The following MRPL28 variants were observed in gnomAD, a reference collection of about 807,000 sequenced individuals.
The protein encoded by MRPL28 is large ribosomal subunit protein bL28m.
Under a neutral mutation model 26.2 loss-of-function variants are expected in MRPL28, and 25 were observed. That is an observed-to-expected ratio of 0.95 (90% CI 0.69 to 1.33). MRPL28 has a LOEUF of 1.33. Ranked by LOEUF, MRPL28 falls within the 40% of genes most tolerant of loss-of-function variation. The probability of loss-of-function intolerance (pLI) is 0.00; values close to 1 mark genes in which losing one functional copy is unlikely to be tolerated. For missense variants in MRPL28, 432 were observed against 327.2 expected, an observed-to-expected ratio of 1.32 and a Z score of -2.47; for synonymous variants, 227 against 140.1, an observed-to-expected ratio of 1.62 and a Z score of -4.38.
intron 5 of MRPL28, among the ~76,000 whole-genome samples, 169 bp downstream of exon 5, chr16:368,159 G>A (rs1446546998): frequency 1.3e-5 from 2 of 152,184 alleles, no homozygotes; most frequent in African/African-American, 4.8e-5. Context: ...GACTTGGAGG[G>A]GAGGGAGCGG....
In MRPL28 at chr16:369,097, C is replaced by G; in HGVS notation, c.412G>C (p.Ala138Pro). 2 of 1,613,978 alleles carry G rather than the reference C, an allele frequency of 1.2e-6. No individual in the cohort carries two copies. Among genetic ancestry groups the G allele is most frequent in the Non-Finnish European group, 1.7e-6 (2 of 1,179,950 alleles). ...TMRTLDLIDEAYGLDFYILKT... is the reference protein window; with the variant it reads ...TMRTLDLIDEPYGLDFYILKT... ...AGGATGTAAAAGTCGAGCCCATAAG[C>G]CTCATCGATGAGGTCCAGGGTCCGC... The change falls in exon 3 of 6, where the codon GCT becomes CCT. Residue 138 changes from alanine (A) to proline (P), a missense_variant. By Grantham distance (27) the Ala-to-Pro change is conservative. Coordinates refer to ENST00000199706, the MANE Select transcript of MRPL28 (RefSeq NM_006428.5).
rs1172506222 is a variant in MRPL28, at chr16:369,927, C to A, written c.288+4G>T. On this transcript the variant is annotated splice_donor_region_variant and intron_variant, in intron 2 of 5. Coordinates refer to ENST00000199706, the MANE Select transcript of MRPL28 (RefSeq NM_006428.5). ...GAGCCCCTGAAGGCCGCCTGCGGAC[C>A]CACCTTGTCGTTGTTGGCATATATT... 1 of 1,606,738 alleles carries A rather than the reference C, an allele frequency of 6.2e-7. No individual in the cohort carries two copies. The highest frequency in any genetic ancestry group is 1.1e-5 in the South Asian group (1 of 90,804).
chr16:370,114 C>G lies in MRPL28; in HGVS notation c.105G>C (p.Glu35Asp). The change falls in exon 2 of 6, where the codon GAG (glutamate) becomes GAC (aspartate). Residue 35 changes from glutamate to aspartate, a missense_variant. Transcript: ENST00000199706. Reference sequence around the variant, plus strand: ...TATAGTGCACGGGAGTGGGCGTCCGCTCCTCCTCCAGGGAGCGCAGGTAGT... The same window carrying G: ...TATAGTGCACGGGAGTGGGCGTCCGGTCCTCCTCCAGGGAGCGCAGGTAGT... ...PGHYLRSLEE[E>D]RTPTPVHYRP... 3 of 1,609,722 alleles carry G rather than the reference C, an allele frequency of 1.9e-6. No individual in the cohort carries two copies. The highest frequency in any genetic ancestry group is 2.5e-6 in the Non-Finnish European group (3 of 1,178,578).
Position 368,486 on chromosome 16 carries a change from G to A in MRPL28, c.576+15C>T. ...ACGAGTCCCCAGGTGTAGGGAGCGG[G>A]ACGGAAACCCTCACCTTGTACTTGT... On this transcript the variant is annotated intron_variant, in intron 4 of 5. Transcript: ENST00000199706. 1.9e-6 allele frequency: 3 copies of A among 1,609,204 alleles called. No homozygotes were observed. The highest frequency in any genetic ancestry group is 2.5e-6 in the Non-Finnish European group (3 of 1,177,016).
chr16:368,187 G>T (rs750327261), intron 5 of MRPL28, 141 bp downstream of exon 5: 11 of 959,970 alleles, frequency 1.1e-5, no homozygotes, highest in Admixed American at 1.9e-5. Flanking sequence ...TCCTCTGGGT[G>T]GGCAATGCAG....
Position 369,972 on chromosome 16 carries a change from C to G in MRPL28, c.247G>C (p.Glu83Gln), listed in dbSNP as rs138926638. ...PESQRGLWGGEGWILGQIYAN... is the reference protein window; with the variant it reads ...PESQRGLWGGQGWILGQIYAN... ...TATATTTGGCCCAGGATCCAGCCCTCGCCGCCCCACAACCCCCGCTGGGAT... is the reference window on the plus strand; with the variant it reads ...TATATTTGGCCCAGGATCCAGCCCTGGCCGCCCCACAACCCCCGCTGGGAT... The change falls in exon 2 of 6, where the codon GAG becomes CAG. Residue 83 changes from glutamate (E) to glutamine (Q), a missense_variant. Coordinates refer to ENST00000199706, the MANE Select transcript of MRPL28 (RefSeq NM_006428.5). 212 of 1,612,568 alleles carry G rather than the reference C, an allele frequency of 1.3e-4. No individual in the cohort carries two copies. The African/African-American group carries it at 2.4e-3, about 18-fold the overall frequency.
At chr16:369,592 G>C in intron 2 of MRPL28, 1 of 610,196 alleles carries the variant, frequency 1.6e-6, no homozygotes, top group Non-Finnish European at 3.1e-6. Flanking sequence ...ACCACAAGCA[G>C]CCTCGAAGCT....
chr16:370,112 C>T lies in MRPL28; in HGVS notation c.107G>A (p.Arg36Gln). 1.9e-6 allele frequency: 3 copies of T among 1,609,452 alleles called. No individual in the cohort carries two copies. The highest frequency in any genetic ancestry group is 2.2e-5 in the East Asian group (1 of 44,752). The change falls in exon 2 of 6, where the codon CGG (arginine) becomes CAG (glutamine). Residue 36 changes from arginine to glutamine, a missense_variant. By Grantham distance (43) the Arg-to-Gln change is conservative. Transcript: ENST00000199706. ...CCTATAGTGCACGGGAGTGGGCGTCCGCTCCTCCTCCAGGGAGCGCAGGTA... is the reference window on the plus strand; with the variant it reads ...CCTATAGTGCACGGGAGTGGGCGTCTGCTCCTCCTCCAGGGAGCGCAGGTA... ...GHYLRSLEEE[R>Q]TPTPVHYRPH...
intron 2 of MRPL28, chr16:369,444 G>A (rs2054296436): frequency 1.6e-6 from 1 of 627,284 alleles, no homozygotes; most frequent in Admixed American, 2.7e-5. Context: ...CAACAAGCTG[G>A]GCGTTCCCGC....
chr16:367,946 C>T (rs761731716), intron 5 of MRPL28, among the ~76,000 whole-genome samples, 164 bp from the exon 6 acceptor site: 20 of 152,192 alleles, frequency 1.3e-4, no homozygotes, highest in Non-Finnish European at 2.4e-4. Flanking sequence ...TTGGGGATGC[C>T]GGAGGCACAC....
chr16:369,727 C>G, intron 2 of MRPL28: 1 of 772,716 alleles, frequency 1.3e-6, no homozygotes, highest in Non-Finnish European at 2.2e-6. Context: ...CGGCCTGAGT[C>G]ACCCCACCTC....
In MRPL28 at chr16:369,101, A is replaced by G. The variant is rs779860212; in HGVS notation, c.408T>C (p.Asp136=). The G allele has an allele frequency of 6.2e-7, 1 of 1,613,864 alleles. No homozygotes were observed. Among genetic ancestry groups the G allele is most frequent in the East Asian group, 2.2e-5 (1 of 44,894 alleles). ...TGTAAAAGTCGAGCCCATAAGCCTC[A>G]TCGATGAGGTCCAGGGTCCGCATGG... ...TVTMRTLDLI[D]EAYGLDFYIL... The change falls in exon 3 of 6, where the codon GAT becomes GAC. Residue 136 remains aspartate (D), a synonymous_variant. Transcript: ENST00000199706.
chr16:369,461 C>A, intron 2 of MRPL28: 2 of 630,342 alleles, frequency 3.2e-6, no homozygotes, highest in South Asian at 1.8e-5. Context: ...CCGCCCTGGT[C>A]ACATGGTTGC....
chr16:368,031 G>A (rs1233412526), intron 5 of MRPL28, among the ~76,000 whole-genome samples: 1 of 152,244 alleles, frequency 6.6e-6, no homozygotes, highest in Admixed American at 6.5e-5. Context: ...TGCCATCAGG[G>A]GCTCCCTGTC....
chr16:368,484 G>T lies in MRPL28; in HGVS notation c.576+17C>A. 1 of 1,609,896 alleles carries T rather than the reference G, an allele frequency of 6.2e-7. No homozygotes were observed. On this transcript the variant is annotated intron_variant, in intron 4 of 5. Transcript: ENST00000199706. ...CCACGAGTCCCCAGGTGTAGGGAGC[G>T]GGACGGAAACCCTCACCTTGTACTT...
chr16:370,076 G>T lies in MRPL28; in HGVS notation c.143C>A (p.Ala48Asp). ...GTTCTTGGGGTTGATCTTGAACTTG[G>T]CCCCATGAGGCCTATAGTGCACGGG... ...PTPVHYRPHG[A>D]KFKINPKNGQ... Residue 48 changes from alanine to aspartate, a missense_variant, in exon 2 of 6, where the codon GCC (alanine) becomes GAC (aspartate). By Grantham distance (126) the Ala-to-Asp change is moderately radical. Coordinates refer to ENST00000199706, the MANE Select transcript of MRPL28 (RefSeq NM_006428.5). The T allele has an allele frequency of 1.2e-6, 2 of 1,612,388 alleles. No homozygotes were observed. The highest frequency in any genetic ancestry group is 1.7e-6 in the Non-Finnish European group (2 of 1,179,560).
In MRPL28 at chr16:369,973, G is replaced by GC; in HGVS notation, c.245dup (p.Glu83ArgfsTer29). 6.2e-7 allele frequency: 1 copy of GC among 1,612,542 alleles called. No individual in the cohort carries two copies. Among genetic ancestry groups the GC allele is most frequent in the Non-Finnish European group, 8.5e-7 (1 of 1,179,840 alleles). On this transcript the variant is annotated frameshift_variant, in exon 2 of 6. Coordinates refer to ENST00000199706, the MANE Select transcript of MRPL28 (RefSeq NM_006428.5). LOFTEE classifies it high-confidence loss of function. The stretch of plus-strand genomic sequence containing the variant: ...ATATTTGGCCCAGGATCCAGCCCTC[G>GC]CCGCCCCACAACCCCCGCTGGGATT...
In MRPL28 at chr16:367,793, G is replaced by A. The variant is rs1171043647; in HGVS notation, c.664-11C>T. On this transcript the variant is annotated splice_polypyrimidine_tract_variant and intron_variant, in intron 5 of 5. Coordinates refer to ENST00000199706, the MANE Select transcript of MRPL28 (RefSeq NM_006428.5). Reference sequence around the variant, plus strand: ...CAGGGGTACAGGGTCCTGAAGGAGAGAGGGGCTCATGGTGAGGCCAGGGAA... The same window carrying A: ...CAGGGGTACAGGGTCCTGAAGGAGAAAGGGGCTCATGGTGAGGCCAGGGAA... 5.0e-6 allele frequency: 8 copies of A among 1,611,250 alleles called. No homozygotes were observed. The highest frequency in any genetic ancestry group is 6.8e-6 in the Non-Finnish European group (8 of 1,178,074).
Position 369,208 on chromosome 16 carries a change from G to C in MRPL28, c.301C>G (p.Leu101Val), listed in dbSNP as rs749927759. The change falls in exon 3 of 6, where the codon CTG becomes GTG. Residue 101 changes from leucine to valine, a missense_variant. Coordinates refer to ENST00000199706, the MANE Select transcript of MRPL28 (RefSeq NM_006428.5). ...YANNDKLSKR[L>V]KKVWKPQLFE... ...AGCTGTGGCTTCCACACTTTCTTCA[G>C]CCTCTTGGAGAGCTGAGGGTGCAAC... 5.0e-6 allele frequency: 8 copies of C among 1,613,928 alleles called. No homozygotes were observed. Among genetic ancestry groups the C allele is most frequent in the Non-Finnish European group, 6.8e-6 (8 of 1,179,908 alleles).
Sources: gnomAD v4.1 joint callset for allele counts (sites outside exome capture counted in the v4.1 genomes callset) on GRCh38, gnomAD v4.1.1 for gene constraint, MANE v1.5 for transcripts, NCBI Gene and HGNC (gene_info 2026-07-23, HGNC 2026-07-21) for gene names.